Variants in PTPRD observed in about 807,000 individuals in gnomAD.
PTPRD encodes receptor-type tyrosine-protein phosphatase delta.
A neutral mutation model predicts 214.5 loss-of-function variants in PTPRD; 34 were observed. That is an observed-to-expected ratio of 0.16 (90% CI 0.12 to 0.21). The LOEUF is 0.21. PTPRD is among the 10% of genes least tolerant of loss of function. The pLI is 1.00. For missense variants in PTPRD, 2,545 were observed against 2,398.7 expected (o/e 1.06, Z -1.27); for synonymous variants, 1,128 against 845.7 (o/e 1.33, Z -5.79).
intron 3 of PTPRD, among the ~76,000 whole-genome samples, chr9:10,099,016 T>C (rs141311793): frequency 6.6e-6 from 1 of 151,932 alleles, no homozygotes; most frequent in Non-Finnish European, 1.5e-5. Context: ...CAATATCATC[T>C]TTTGGAACAT....
At chr9:9,230,719 T>G (rs2099962568) in intron 9 of PTPRD, among the ~76,000 whole-genome samples, 1 of 152,094 alleles carries the variant, frequency 6.6e-6, no homozygotes, top group Non-Finnish European at 1.5e-5. Context: ...TCAGGAGTGT[T>G]GCGCATATAG....
At chr9:10,541,683 C>A (rs1033362378) in intron 2 of PTPRD, among the ~76,000 whole-genome samples, 15 of 151,860 alleles carry the variant, frequency 9.9e-5, no homozygotes, top group Non-Finnish European at 1.5e-4. Flanking sequence ...AAACATATCA[C>A]CACAGGTTTT....
At chr9:10,113,553 C>G (rs1448001978) in intron 3 of PTPRD, among the ~76,000 whole-genome samples, 1 of 152,082 alleles carries the variant, frequency 6.6e-6, no homozygotes, top group African/African-American at 2.4e-5. Flanking sequence ...ATAATGATCA[C>G]CTAGGGAGCT....
intron 5 of PTPRD, among the ~76,000 whole-genome samples, chr9:9,873,883 T>G (rs1479721834): frequency 6.6e-6 from 1 of 152,120 alleles, no homozygotes; most frequent in African/African-American, 2.4e-5. Flanking sequence ...GTAAATCATT[T>G]TAATGGGTTT....
At chr9:9,925,492 A>C (rs1484901795) in intron 5 of PTPRD, among the ~76,000 whole-genome samples, 1 of 152,134 alleles carries the variant, frequency 6.6e-6, no homozygotes, top group Admixed American at 6.5e-5. Flanking sequence ...GGTTTTGGAT[A>C]ACTAAAAGAA....
chr9:10,360,533 A>G lies in PTPRD; in HGVS notation c.-599-19516T>C, dbSNP rs2097359811. Among the ~76,000 whole-genome samples the G allele has an allele frequency of 2.6e-5, 4 of 152,240 alleles. No individual in the cohort carries two copies. The South Asian group carries it at 8.3e-4, about 31-fold the overall frequency. ...AGGCAAAGTATTGGAAAGGACATAG[A>G]GTTGTCAGAGAGTGTGAGAAAGAAG... On this transcript the variant is annotated intron_variant, in intron 2 of 45. Transcript: ENST00000381196.
chr9:8,847,352 T>C (rs539117288), intron 11 of PTPRD, among the ~76,000 whole-genome samples: 6 of 152,060 alleles, frequency 3.9e-5, no homozygotes, highest in African/African-American at 1.4e-4. Context: ...ATTGATAACC[T>C]AACTATAAAA....
At chr9:8,444,632 T>C (rs1361713492) in intron 34 of PTPRD, among the ~76,000 whole-genome samples, 1 of 152,142 alleles carries the variant, frequency 6.6e-6, no homozygotes, top group African/African-American at 2.4e-5. Flanking sequence ...TATAAAAATT[T>C]TCAAACGTAC....
intron 14 of PTPRD, among the ~76,000 whole-genome samples, chr9:8,610,759 T>C (rs1354652244): frequency 6.6e-6 from 1 of 152,240 alleles, no homozygotes; most frequent in African/African-American, 2.4e-5. Context: ...TGCTGTGTTA[T>C]TCTACTTAGT....
intron 3 of PTPRD, among the ~76,000 whole-genome samples, chr9:10,056,337 G>T (rs7867055): frequency 0.16 from 24,012 of 148,738 alleles, 2,232 homozygotes; most frequent in African/African-American, 0.25. Flanking sequence ...AAAAAAAAGT[G>T]TCTATTAAAA....
At chr9:8,758,957 T>A (rs760783373) in intron 11 of PTPRD, among the ~76,000 whole-genome samples, 1 of 151,958 alleles carries the variant, frequency 6.6e-6, no homozygotes, top group Non-Finnish European at 1.5e-5. Flanking sequence ...AGTGCTGGGA[T>A]TGCAGGCGTG....
At chr9:9,358,122 T>C (rs1040418083) in intron 9 of PTPRD, among the ~76,000 whole-genome samples, 2 of 151,288 alleles carry the variant, frequency 1.3e-5, no homozygotes, top group Non-Finnish European at 3.0e-5. Context: ...AATCTTTTGT[T>C]TGAAGACCTT....
At chr9:9,472,267 A>T (rs959710283) in intron 8 of PTPRD, among the ~76,000 whole-genome samples, 1 of 146,276 alleles carries the variant, frequency 6.8e-6, no homozygotes, top group Non-Finnish European at 1.5e-5. Flanking sequence ...GCAGTGGCGC[A>T]ATCTCGGCTC....
chr9:9,109,079 G>A (rs2099802601), intron 10 of PTPRD, among the ~76,000 whole-genome samples: 1 of 152,158 alleles, frequency 6.6e-6, no homozygotes, highest in Non-Finnish European at 1.5e-5. Flanking sequence ...GGGTGGTGAA[G>A]TTTTGATGAG....
rs185697410 is a variant in PTPRD, at chr9:9,831,126, C to T, written c.-367-64275G>A. Reference sequence around the variant, plus strand: ...AAGCTTCAGGGTGTAGCACTGATGTCGTCATTAAGCACTATGAAGGTTAAG... The same window carrying T: ...AAGCTTCAGGGTGTAGCACTGATGTTGTCATTAAGCACTATGAAGGTTAAG... On this transcript the variant is annotated intron_variant, in intron 5 of 45. Coordinates refer to ENST00000381196, the MANE Select transcript of PTPRD (RefSeq NM_002839.4). Among the ~76,000 whole-genome samples the T allele has an allele frequency of 5.6e-3, 858 of 151,928 alleles. 5 individuals are homozygous for T. Among genetic ancestry groups the T allele is most frequent in the Non-Finnish European group, 7.6e-3 (518 of 67,890 alleles).
At chr9:9,451,067 T>C (rs1017980664) in intron 8 of PTPRD, among the ~76,000 whole-genome samples, 3 of 148,378 alleles carry the variant, frequency 2.0e-5, no homozygotes, top group Non-Finnish European at 4.5e-5. Context: ...GGTCAAAGAA[T>C]AAAAAAGCAA....
intron 7 of PTPRD, among the ~76,000 whole-genome samples, chr9:9,692,643 T>A (rs1564577574): frequency 1.1e-5 from 1 of 90,148 alleles, no homozygotes; most frequent in Admixed American, 9.0e-5. Flanking sequence ...TTTAAGTTTT[T>A]TTTTTTTCTA....
At chr9:9,237,871 A>G (rs542698259) in intron 9 of PTPRD, among the ~76,000 whole-genome samples, 157 of 152,156 alleles carry the variant, frequency 1.0e-3, no homozygotes, top group African/African-American at 3.6e-3. Flanking sequence ...CACTTCATTG[A>G]CCTTTTTGAG....
At position 9,075,275 on chromosome 9, in the gene PTPRD, C is replaced by T. The variant is rs558767795; in HGVS notation, c.-142-56540G>A. ...AATGGGTATATCCCATCACCTCAAA[C>T]ATTTATCCTTTCCTTTTGTTACAAA... is the stretch of plus-strand genomic sequence containing the variant. On this transcript the variant is annotated intron_variant, in intron 10 of 45. Coordinates refer to ENST00000381196, the MANE Select transcript of PTPRD (RefSeq NM_002839.4). 3.9e-5 allele frequency among the ~76,000 whole-genome samples: 6 copies of T among 152,138 alleles called. 1 individual carries two copies. In the South Asian group the frequency reaches 8.3e-4, roughly 21 times the overall value.
Sources: allele counts gnomAD v4.1 joint callset (sites outside exome capture counted in the v4.1 genomes callset), GRCh38; gene constraint gnomAD v4.1.1; transcripts MANE v1.5; gene names NCBI Gene and HGNC (gene_info 2026-07-23, HGNC 2026-07-21).